PCDHGB2: variants seen among roughly 807,000 people sequenced by gnomAD.
The protein encoded by PCDHGB2 is protocadherin gamma subfamily B, 2.
In PCDHGB2, 55 loss-of-function variants were observed where a neutral mutation model predicts 59.3. The observed-to-expected ratio is 0.93, with a 90% CI of 0.75 to 1.16. The LOEUF is 1.16. Ranked by LOEUF, PCDHGB2 falls within the 50% of genes most tolerant of loss-of-function variation. PCDHGB2 has a pLI of 0.00. For missense variants in PCDHGB2, 1,228 were observed against 1,198.5 expected, an observed-to-expected ratio of 1.02 and a Z score of -0.36; for synonymous variants, 516 against 512.0, an observed-to-expected ratio of 1.01 and a Z score of -0.11.
intron 1 of PCDHGB2, chr5:141,365,694 C>A (rs757316678): frequency 5.0e-6 from 8 of 1,613,466 alleles, no homozygotes; most frequent in South Asian, 1.1e-5. Flanking sequence ...TTCCCTCAAG[C>A]CTCCTACTCC....
intron 1 of PCDHGB2, among the ~76,000 whole-genome samples, chr5:141,464,749 T>A (rs1026757405): frequency 6.6e-6 from 1 of 152,216 alleles, no homozygotes; most frequent in African/African-American, 2.4e-5. Context: ...ATCTTTTTGT[T>A]TTTTTAGAGA....
chr5:141,365,620 G>T, intron 1 of PCDHGB2: 1 of 1,613,368 alleles, frequency 6.2e-7, no homozygotes, highest in Middle Eastern at 1.6e-4. Context: ...ATGGAACCCC[G>T]CCCCTCTCTA....
intron 1 of PCDHGB2, chr5:141,428,221 G>A (rs1314522513): frequency 5.9e-6 from 7 of 1,177,278 alleles, no homozygotes; most frequent in Non-Finnish European, 8.6e-6. Context: ...CCTAGTCTTC[G>A]CAGACAGCCT....
chr5:141,395,409 T>G, intron 1 of PCDHGB2: 1 of 813,990 alleles, frequency 1.2e-6, no homozygotes, highest in East Asian at 2.8e-5. Context: ...AGTCATAGGT[T>G]ATTGTTTCAT....
intron 1 of PCDHGB2, chr5:141,415,739 G>GGT (rs2095908308): frequency 2.3e-6 from 1 of 434,538 alleles, no homozygotes; most frequent in East Asian, 5.9e-5. Context: ...TGTTTATTAA[G>GGT]GTTTTTTTTT....
At chr5:141,426,844 A>C (rs1397752566) in intron 1 of PCDHGB2, 1 of 456,628 alleles carries the variant, frequency 2.2e-6, no homozygotes, top group Non-Finnish European at 4.4e-6. Context: ...ACTAAAGGCA[A>C]GAACGCTCCA....
At position 141,490,840 on chromosome 5, in the gene PCDHGB2, G is replaced by C. The variant is rs1177428192; in HGVS notation, c.2422-3967G>C. On this transcript the variant is annotated intron_variant, in intron 1 of 3. Transcript: ENST00000522605. This position sits in a 1 kb window ranked among gnomAD's most constrained non-coding sequence, Gnocchi z 5.4. Reference sequence around the variant, plus strand: ...ATTGCTGCAGATGCTGCAGATTGTGGTGGGGGTTCGAGACTCCGGCTCTCC... The same window carrying C: ...ATTGCTGCAGATGCTGCAGATTGTGCTGGGGGTTCGAGACTCCGGCTCTCC... 2 of 1,613,900 alleles carry C rather than the reference G, an allele frequency of 1.2e-6. No homozygotes were observed. Among genetic ancestry groups the C allele is most frequent in the Middle Eastern group, 3.3e-4 (2 of 6,058 alleles).
At chr5:141,465,144 T>A (rs965605798) in intron 1 of PCDHGB2, among the ~76,000 whole-genome samples, 4 of 152,008 alleles carry the variant, frequency 2.6e-5, no homozygotes, top group Admixed American at 6.6e-5. Flanking sequence ...TTAGGGGATA[T>A]ATGAAGGGAC....
chr5:141,413,218 A>G, intron 1 of PCDHGB2: 1 of 1,613,610 alleles, frequency 6.2e-7, no homozygotes. Flanking sequence ...AAAGGATTGC[A>G]GCGGGCTGGT....
At chr5:141,384,666 C>T in intron 1 of PCDHGB2, 1 of 1,614,220 alleles carries the variant, frequency 6.2e-7, no homozygotes, top group Non-Finnish European at 8.5e-7. Flanking sequence ...ACCTGGTGAC[C>T]AAGGTGGTGG....
intron 1 of PCDHGB2, chr5:141,366,052 C>T: frequency 6.2e-7 from 1 of 1,614,248 alleles, no homozygotes; most frequent in Non-Finnish European, 8.5e-7. Context: ...GTTCCACGGG[C>T]GTGGAGCTGG....
Position 141,431,300 on chromosome 5 carries a change from A to G in PCDHGB2, c.2422-63507A>G, listed in dbSNP as rs200375087. 7.4e-6 allele frequency: 12 copies of G among 1,614,008 alleles called. No homozygotes were observed. Among genetic ancestry groups the G allele is most frequent in the Admixed American group, 1.7e-5 (1 of 60,010 alleles). ...CAGCCCGAACACTCACTTCTCCCTC[A>G]TCGTGCAAAATGGAGCCGACGGTAG... On this transcript the variant is annotated intron_variant, in intron 1 of 3. Coordinates refer to ENST00000522605, the MANE Select transcript of PCDHGB2 (RefSeq NM_018923.3). This position sits in a 1 kb window ranked among gnomAD's most constrained non-coding sequence, Gnocchi z 4.8.
intron 1 of PCDHGB2, chr5:141,421,770 G>A: frequency 6.2e-7 from 1 of 1,613,856 alleles, no homozygotes; most frequent in Non-Finnish European, 8.5e-7. Context: ...ACTTTTCCTT[G>A]CAACTGCGGG....
rs756361613 is a variant in PCDHGB2 at position 141,392,855 on chromosome 5, C to G, written c.2421+30299C>G. 3.1e-6 allele frequency: 5 copies of G among 1,612,176 alleles called. No individual in the cohort carries two copies. The highest frequency in any genetic ancestry group is 3.3e-4 in the Middle Eastern group (2 of 6,050). Reference sequence around the variant, plus strand: ...GTCGCCCCAGACGCGGCGAGCTGATCCTGCTGTGCGCGCTGCTGGGAACGC... The same window carrying G: ...GTCGCCCCAGACGCGGCGAGCTGATGCTGCTGTGCGCGCTGCTGGGAACGC... On this transcript the variant is annotated intron_variant, in intron 1 of 3. Coordinates refer to ENST00000522605, the MANE Select transcript of PCDHGB2 (RefSeq NM_018923.3).
chr5:141,491,126 G>A lies in PCDHGB2; in HGVS notation c.2422-3681G>A, dbSNP rs768294944. 1.4e-5 allele frequency: 23 copies of A among 1,613,978 alleles called. No individual in the cohort carries two copies. In the East Asian group the frequency reaches 3.1e-4, roughly 22 times the overall value. On this transcript the variant is annotated intron_variant, in intron 1 of 3. Transcript: ENST00000522605. This position sits in a 1 kb window ranked among gnomAD's most constrained non-coding sequence, Gnocchi z 6.9. ...GTGTCTACACACACTGGTGAGGTGCGCACAGCCCGGGCCTTACTGGAGGAT... is the reference window on the plus strand; with the variant it reads ...GTGTCTACACACACTGGTGAGGTGCACACAGCCCGGGCCTTACTGGAGGAT...
At chr5:141,451,019 G>A (rs1348607593) in intron 1 of PCDHGB2, among the ~76,000 whole-genome samples, 7 of 151,274 alleles carry the variant, frequency 4.6e-5, no homozygotes, top group Admixed American at 2.0e-4. Context: ...TAGTAGAGAC[G>A]AGGTTTCACC....
intron 1 of PCDHGB2, chr5:141,478,893 T>G (rs1469313900): frequency 1.8e-6 from 2 of 1,102,894 alleles, no homozygotes; most frequent in Admixed American, 3.1e-5. Flanking sequence ...TCATTTACAT[T>G]AGGAATAAGC....
At chr5:141,488,042 G>T (rs2099670966) in intron 1 of PCDHGB2, among the ~76,000 whole-genome samples, 1 of 152,168 alleles carries the variant, frequency 6.6e-6, no homozygotes, top group Non-Finnish European at 1.5e-5. Context: ...TTTCCCAAGG[G>T]ATTGAGGGGA....
At chr5:141,371,560 AC>A in intron 1 of PCDHGB2, 1 of 1,613,892 alleles carries the variant, frequency 6.2e-7, no homozygotes, top group Non-Finnish European at 8.5e-7. Flanking sequence ...CTAAAAGGAA[AC>A]TTCCCCTTTA....
Sources: allele counts gnomAD v4.1 joint callset (sites outside exome capture counted in the v4.1 genomes callset), GRCh38; gene constraint gnomAD v4.1.1; non-coding constraint Gnocchi (gnomAD v3.1); transcripts MANE v1.5; gene names NCBI Gene and HGNC (gene_info 2026-07-23, HGNC 2026-07-21).